TTC39C: variants seen among roughly 807,000 people sequenced by gnomAD.
The protein encoded by TTC39C is tetratricopeptide repeat domain 39C.
TTC39C carries 33 observed loss-of-function variants against 76.3 expected under a neutral mutation model. That is an observed-to-expected ratio of 0.43 (90% CI 0.33 to 0.58). The LOEUF (loss-of-function observed/expected upper bound fraction) is 0.58. Ranked by LOEUF, TTC39C falls within the 20% of genes least tolerant of loss-of-function variation. TTC39C has a pLI of 0.04. For missense variants in TTC39C, 595 were observed against 701.4 expected (o/e 0.85, Z 1.71); for synonymous variants, 254 against 260.6 (o/e 0.97, Z 0.24).
intron 10 of TTC39C, among the ~76,000 whole-genome samples, chr18:24,125,833 T>G (rs112615979): frequency 6.6e-6 from 1 of 152,202 alleles, no homozygotes; most frequent in African/African-American, 2.4e-5. Context: ...GCTGGAAGCA[T>G]ACATTTTTTC....
chr18:24,075,249 C>T (rs1038276926), intron 4 of TTC39C, among the ~76,000 whole-genome samples: 8 of 151,208 alleles, frequency 5.3e-5, no homozygotes, highest in Admixed American at 1.3e-4. Flanking sequence ...TGTATACATA[C>T]GTAACAAACC....
chr18:24,038,622 C>T (rs2083758438), intron 1 of TTC39C, among the ~76,000 whole-genome samples: 1 of 152,162 alleles, frequency 6.6e-6, no homozygotes, highest in South Asian at 2.1e-4. Flanking sequence ...ATCATGAGAA[C>T]AGTAATAAAA....
chr18:24,120,358 A>C (rs1367778839), intron 8 of TTC39C, among the ~76,000 whole-genome samples: 1 of 152,114 alleles, frequency 6.6e-6, no homozygotes. Context: ...CAAAAACAAA[A>C]GAGTACATGA....
intron 6 of TTC39C, among the ~76,000 whole-genome samples, chr18:24,100,841 C>T (rs1474820442): frequency 6.6e-6 from 1 of 152,182 alleles, no homozygotes; most frequent in Non-Finnish European, 1.5e-5. Flanking sequence ...TGGAATAAGT[C>T]AGGGTTTTCT....
At chr18:24,082,765 G>A (rs996201097) in intron 5 of TTC39C, 148 bp from the exon 6 acceptor site, 30 of 761,000 alleles carry the variant, frequency 3.9e-5, no homozygotes, top group Non-Finnish European at 5.5e-5. Flanking sequence ...ATTAAAATGG[G>A]GAAAGTCTCT....
chr18:24,089,030 G>A (rs1368580351), intron 6 of TTC39C, among the ~76,000 whole-genome samples: 1 of 152,122 alleles, frequency 6.6e-6, no homozygotes, highest in African/African-American at 2.4e-5. Context: ...AGAATTAGTG[G>A]GAGGTCTCTG....
At chr18:24,087,092 C>T (rs2084449864) in intron 6 of TTC39C, among the ~76,000 whole-genome samples, 1 of 152,000 alleles carries the variant, frequency 6.6e-6, no homozygotes, top group African/African-American at 2.4e-5. Context: ...GGGAGGCTGA[C>T]CAATGGGTTA....
intron 6 of TTC39C, among the ~76,000 whole-genome samples, chr18:24,090,797 CTTTTTTTT>C (rs1218689781): frequency 0.053 from 4,196 of 79,600 alleles, 76 homozygotes; most frequent in South Asian, 0.17. Flanking sequence ...GATTAATTTA[CTTTTTTTT>C]TTTTTTTTTT....
chr18:24,054,132 A>T (rs558547832), intron 1 of TTC39C, among the ~76,000 whole-genome samples: 18 of 152,188 alleles, frequency 1.2e-4, no homozygotes, highest in South Asian at 2.1e-4. Context: ...GAGTAACCTC[A>T]TATAAGTGAG....
In TTC39C at chr18:24,014,945, C is replaced by A. The variant is rs1187259853; in HGVS notation, c.74C>A (p.Ala25Glu). The change falls in exon 1 of 14, where the codon GCG becomes GAG. Residue 25 changes from alanine (A) to glutamate (E), a missense_variant. Ala to Glu is a moderately radical substitution (Grantham distance 107, BLOSUM62 -1). Transcript: ENST00000317571. ...TCGGACGCGGCAGCGGCGGCGGCGG[C>A]GCCCCTGCAGGACGCGGAGCTGGCC... ...GDSDAAAAAA[A>E]PLQDAELALA... 6.6e-7 allele frequency: 1 copy of A among 1,526,160 alleles called. No homozygotes were observed. Among genetic ancestry groups the A allele is most frequent in the African/African-American group, 1.4e-5 (1 of 69,830 alleles). 94.5% of individuals were successfully genotyped at this position (1,526,160 alleles called of 1,614,324 possible). A position where few individuals can be genotyped will look rare whatever the true frequency, so the allele number is the denominator to read the frequency against.
intron 1 of TTC39C, among the ~76,000 whole-genome samples, chr18:24,044,383 A>C (rs55970629): frequency 0.028 from 4,327 of 152,268 alleles, 138 homozygotes; most frequent in African/African-American, 0.083. Flanking sequence ...GCAGGGGCTC[A>C]GAGCCTGGCA....
In TTC39C at chr18:24,134,366, T is replaced by C. The variant is rs1044338410; in HGVS notation, c.*1792T>C. On this transcript the variant is annotated 3_prime_UTR_variant, in exon 14 of 14. Transcript: ENST00000317571. ...TTGGCTCACTGCAACCTCTGCCTCC[T>C]GGGTTCACACCATTCTCCTGCCTCA... 4.2e-5 allele frequency: 6 copies of C among 141,348 alleles called. No individual in the cohort carries two copies. Among genetic ancestry groups the C allele is most frequent in the Non-Finnish European group, 7.6e-5 (5 of 65,630 alleles). The allele number at this position is 141,348 out of a possible 1,614,324, so 8.8% of individuals were successfully genotyped here. A position where few individuals can be genotyped will look rare whatever the true frequency, so the allele number is the denominator to read the frequency against.
intron 1 of TTC39C, among the ~76,000 whole-genome samples, chr18:24,009,178 G>A (rs2083377589): frequency 6.6e-6 from 1 of 152,064 alleles, no homozygotes; most frequent in Non-Finnish European, 1.5e-5. Flanking sequence ...TAACAAACCT[G>A]GACATGTACC....
At chr18:24,022,198 C>G (rs542170498) in intron 1 of TTC39C, among the ~76,000 whole-genome samples, 1 of 151,782 alleles carries the variant, frequency 6.6e-6, no homozygotes, top group Non-Finnish European at 1.5e-5. Context: ...TGGTATCCGC[C>G]GGGGGTCCTG....
chr18:24,130,364 G>A lies in TTC39C; in HGVS notation c.1570G>A (p.Val524Ile). Residue 524 changes from valine (V) to isoleucine (I), a missense_variant, in exon 12 of 14, where the codon GTT becomes ATT. Val to Ile is a conservative substitution (Grantham distance 29). Coordinates refer to ENST00000317571, the MANE Select transcript of TTC39C (RefSeq NM_001135993.2). ...ATTGTGTCGTCAGAATAACTTATAT[G>A]TTCAGCCGTATGCCTGTTATGAACT... Reference protein sequence around the residue: ...DELCRQNNLYVQPYACYELGC... With the variant: ...DELCRQNNLYIQPYACYELGC... 6.3e-7 allele frequency: 1 copy of A among 1,590,284 alleles called. No homozygotes were observed. The highest frequency in any genetic ancestry group is 8.6e-7 in the Non-Finnish European group (1 of 1,169,354).
chr18:23,996,819 A>C (rs1408151525), intron 1 of TTC39C, among the ~76,000 whole-genome samples: 2 of 152,214 alleles, frequency 1.3e-5, no homozygotes, highest in Non-Finnish European at 2.9e-5. Flanking sequence ...TCCTATTAAG[A>C]AATCAGTTGG....
rs544232599 is a variant in TTC39C, at chr18:24,103,050, C to T, written c.985-11504C>T. ...CTAGGAGGCGGAGGTTGCAGTGAGCCGTGATCACGCCACTGCATTCCAACC... is the reference window on the plus strand; with the variant it reads ...CTAGGAGGCGGAGGTTGCAGTGAGCTGTGATCACGCCACTGCATTCCAACC... On this transcript the variant is annotated intron_variant, in intron 6 of 13. Transcript: ENST00000317571. Among the ~76,000 whole-genome samples the T allele has an allele frequency of 7.2e-5, 11 of 152,200 alleles. 1 individual carries two copies. The South Asian group carries it at 8.3e-4, about 11-fold the overall frequency.
At position 24,132,726 on chromosome 18, in the gene TTC39C, TCTC is replaced by T. The variant is rs2085148148; in HGVS notation, c.*156_*158del. 2 of 548,222 alleles carry T rather than the reference TCTC, an allele frequency of 3.6e-6. No homozygotes were observed. The highest frequency in any genetic ancestry group is 3.7e-5 in the Admixed American group (1 of 26,746). The allele number at this position is 548,222 out of a possible 1,614,324, so 34.0% of individuals were successfully genotyped here. A position where few individuals can be genotyped will look rare whatever the true frequency, so the allele number is the denominator to read the frequency against. On this transcript the variant is annotated 3_prime_UTR_variant, in exon 14 of 14. Coordinates refer to ENST00000317571, the MANE Select transcript of TTC39C (RefSeq NM_001135993.2). ...CCCAGTTAAGCTGACATATTAAAGA[TCTC>T]CTCTTTTAAACATGTAGCTGAAAAG...
intron 6 of TTC39C, among the ~76,000 whole-genome samples, chr18:24,083,942 T>C (rs1473696743): frequency 1.3e-5 from 2 of 152,194 alleles, no homozygotes; most frequent in African/African-American, 4.8e-5. Context: ...GTCCTCCAGT[T>C]AACCAGGCAC....
Sources: gnomAD v4.1 joint callset for allele counts (sites outside exome capture counted in the v4.1 genomes callset) on GRCh38, gnomAD v4.1.1 for gene constraint, MANE v1.5 for transcripts, NCBI Gene and HGNC (gene_info 2026-07-23, HGNC 2026-07-21) for gene names.